Variants in TMEM245 observed in about 807,000 individuals in gnomAD.
The protein encoded by TMEM245 is protein CG-2.
In TMEM245, 69 loss-of-function variants were observed where a neutral mutation model predicts 101.2. The ratio of observed to expected loss-of-function variants is 0.68; its 90% CI spans 0.56 to 0.83. The LOEUF (loss-of-function observed/expected upper bound fraction) is 0.83, where lower values mean the gene tolerates loss of function less well. TMEM245 is among the 40% of genes least tolerant of loss of function. The pLI is 0.00. For synonymous variants in TMEM245, 537 were observed against 449.8 expected, an observed-to-expected ratio of 1.19 and a Z score of -2.45; for missense variants, 1,075 against 1,092.8, an observed-to-expected ratio of 0.98 and a Z score of 0.23.
intron 7 of TMEM245, among the ~76,000 whole-genome samples, chr9:109,083,327 G>A (rs960674387): frequency 1.3e-5 from 2 of 152,158 alleles, no homozygotes; most frequent in East Asian, 1.9e-4. Flanking sequence ...AAGGCCAGAC[G>A]TGCTATCTCA....
rs145376383 is a variant in TMEM245, at chr9:109,060,417, A to C, written c.1659T>G (p.Thr553=). 1 of 1,613,768 alleles carries C rather than the reference A, an allele frequency of 6.2e-7. No homozygotes were observed. The highest frequency in any genetic ancestry group is 1.3e-5 in the African/African-American group (1 of 75,064). Residue 553 remains threonine (T), a synonymous_variant, in exon 11 of 18, where the codon ACT becomes ACG. Coordinates refer to ENST00000374586, the MANE Select transcript of TMEM245 (RefSeq NM_032012.4). The part of the protein sequence containing the change: ...HKILGDKVNN[T]AVIEKQVLEL... ...CTAGTACTTGCTTTTCAATTACAGCAGTATTGTTCACCTTATCTCCTAGAA... is the reference window on the plus strand; with the variant it reads ...CTAGTACTTGCTTTTCAATTACAGCCGTATTGTTCACCTTATCTCCTAGAA...
intron 9 of TMEM245, among the ~76,000 whole-genome samples, chr9:109,071,426 T>C (rs1402270899): frequency 3.3e-5 from 5 of 151,344 alleles, no homozygotes; most frequent in African/African-American, 9.7e-5. Context: ...CTAGGCAACA[T>C]GGTGAAACTC....
Position 109,080,907 on chromosome 9 carries a change from T to C in TMEM245, c.1381A>G (p.Ile461Val). The stretch of plus-strand genomic sequence containing the variant: ...AACAAAAATATGATGAAAATGCTAA[T>C]TATTTTATCTAACATCTTCTCCAAC... Reference protein sequence around the residue: ...IWLEKMLDKIISIFIIFLLVI... With the variant: ...IWLEKMLDKIVSIFIIFLLVI... Residue 461 changes from isoleucine (I) to valine (V), a missense_variant, in exon 8 of 18, where the codon ATT (isoleucine) becomes GTT (valine). Around this residue, in one of 2 missense-constraint regions of TMEM245, gnomAD observed 808 missense variants for 741.5 expected, o/e 1.09. Coordinates refer to ENST00000374586, the MANE Select transcript of TMEM245 (RefSeq NM_032012.4). 6.2e-7 allele frequency: 1 copy of C among 1,610,068 alleles called. No homozygotes were observed.
chr9:109,045,116 A>C (rs1237656574), intron 14 of TMEM245, among the ~76,000 whole-genome samples: 1 of 152,112 alleles, frequency 6.6e-6, no homozygotes, highest in Non-Finnish European at 1.5e-5. Flanking sequence ...GAAATGATAT[A>C]ATTTATTGTT....
intron 17 of TMEM245, among the ~76,000 whole-genome samples, chr9:109,021,825 A>G (rs770597669): frequency 1.1e-4 from 16 of 152,130 alleles, no homozygotes; most frequent in Non-Finnish European, 1.8e-4. Flanking sequence ...CCCCCAAAAA[A>G]AGCAAGGAAG....
At chr9:109,034,335 C>T (rs965700389) in intron 16 of TMEM245, among the ~76,000 whole-genome samples, 5 of 152,126 alleles carry the variant, frequency 3.3e-5, no homozygotes, top group African/African-American at 1.2e-4. Context: ...TTCAGGAAAC[C>T]AATAAATTAT....
rs192550136 is a variant in TMEM245 at position 109,087,514 on chromosome 9, T to A, written c.1151-172A>T. Among the ~76,000 whole-genome samples the A allele has an allele frequency of 4.6e-5, 7 of 152,292 alleles. No homozygotes were observed. The East Asian group carries it at 1.3e-3, about 29-fold the overall frequency. ...CAAAGTACTCCCCACACAGATGGAA[T>A]TGGACCAAGTAACTTTTCAAACCAT... On this transcript the variant is annotated intron_variant, in intron 5 of 17. Coordinates refer to ENST00000374586, the MANE Select transcript of TMEM245 (RefSeq NM_032012.4).
chr9:109,020,639 G>T, intron 17 of TMEM245, 134 bp from the exon 18 acceptor site: 1 of 784,336 alleles, frequency 1.3e-6, no homozygotes, highest in South Asian at 1.9e-5. Flanking sequence ...TTGTTTCAAA[G>T]TCTGCTAGTT....
intron 9 of TMEM245, among the ~76,000 whole-genome samples, chr9:109,072,640 A>G (rs1255727794): frequency 6.6e-6 from 1 of 152,228 alleles, no homozygotes; most frequent in Non-Finnish European, 1.5e-5. Context: ...ACACAAAAGG[A>G]GGTGGCTGAA....
At chr9:109,101,367 T>C (rs1588075559) in intron 3 of TMEM245, among the ~76,000 whole-genome samples, 1 of 152,206 alleles carries the variant, frequency 6.6e-6, no homozygotes, top group South Asian at 2.1e-4. Flanking sequence ...GTTGTGGCAG[T>C]ATACTAAAGC....
rs565789972 is a variant in TMEM245, at chr9:109,028,980, C to T, written c.2594+4327G>A. Among the ~76,000 whole-genome samples, 6 of 152,180 alleles carry T rather than the reference C, an allele frequency of 3.9e-5. No individual in the cohort carries two copies. The East Asian group carries it at 1.2e-3, about 29-fold the overall frequency. ...CCACAGAAGCTGTATCGTAAATGTA[C>T]GTTAAGCTGCTAAATGTGTAATCTG... is the stretch of plus-strand genomic sequence containing the variant. On this transcript the variant is annotated intron_variant, in intron 17 of 17. Transcript: ENST00000374586.
In TMEM245 at chr9:109,027,627, A is replaced by T. The variant is rs565226588; in HGVS notation, c.2594+5680T>A. On this transcript the variant is annotated intron_variant, in intron 17 of 17. Transcript: ENST00000374586. ...GACAAAGCAGTGGCCCTGCCACATC[A>T]TATTATGGTAACACATATCACAATC... Among the ~76,000 whole-genome samples the T allele has an allele frequency of 3.3e-5, 5 of 152,272 alleles. No individual in the cohort carries two copies. In the South Asian group the frequency reaches 8.3e-4, roughly 25 times the overall value.
intron 4 of TMEM245, 75 bp from the exon 5 acceptor site, chr9:109,091,230 G>A: frequency 2.3e-6 from 3 of 1,325,474 alleles, no homozygotes; most frequent in Non-Finnish European, 3.1e-6. Flanking sequence ...CCACTCATTA[G>A]GCTAGCCTGT....
chr9:109,096,944 A>G (rs1383938960), intron 3 of TMEM245, among the ~76,000 whole-genome samples: 1 of 152,228 alleles, frequency 6.6e-6, no homozygotes, highest in Non-Finnish European at 1.5e-5. Flanking sequence ...GCATTCATTC[A>G]CCAAATAGGC....
At chr9:109,065,840 A>G (rs977910981) in intron 9 of TMEM245, among the ~76,000 whole-genome samples, 7 of 152,092 alleles carry the variant, frequency 4.6e-5, no homozygotes, top group Non-Finnish European at 8.8e-5. Context: ...AGGCCCCAAA[A>G]TGACACATCC....
chr9:109,115,853 A>T (rs1179969758), intron 1 of TMEM245, among the ~76,000 whole-genome samples: 3 of 152,078 alleles, frequency 2.0e-5, no homozygotes, highest in Non-Finnish European at 2.9e-5. Context: ...AAATAATTAA[A>T]CACAATGTAT....
At chr9:109,053,881 T>C (rs1828758239) in intron 12 of TMEM245, among the ~76,000 whole-genome samples, 1 of 152,204 alleles carries the variant, frequency 6.6e-6, no homozygotes, top group African/African-American at 2.4e-5. Flanking sequence ...GCCACCTCTG[T>C]CTGCCTCAGA....
chr9:109,064,376 T>G, intron 10 of TMEM245, 101 bp downstream of exon 10: 1 of 1,011,436 alleles, frequency 9.9e-7, no homozygotes. Context: ...GCCTATTTAC[T>G]GCTGTGAATA....
chr9:109,087,510 G>A (rs1231522226), intron 5 of TMEM245, among the ~76,000 whole-genome samples, 168 bp from the exon 6 acceptor site: 1 of 152,144 alleles, frequency 6.6e-6, no homozygotes, highest in African/African-American at 2.4e-5. Flanking sequence ...CCACACAGAT[G>A]GAATTGGACC....
Sources: allele counts gnomAD v4.1 joint callset (sites outside exome capture counted in the v4.1 genomes callset), GRCh38; gene constraint gnomAD v4.1.1; regional missense constraint gnomAD v4.1.1; transcripts MANE v1.5; gene names NCBI Gene and HGNC (gene_info 2026-07-23, HGNC 2026-07-21).